The following SUPT3H variants were observed in gnomAD, a reference collection of about 807,000 sequenced individuals.
SUPT3H encodes transcription initiation protein SPT3 homolog.
A neutral mutation model predicts 44.3 loss-of-function variants in SUPT3H; 44 were observed. The ratio of observed to expected loss-of-function variants is 0.99; its 90% confidence interval spans 0.78 to 1.28. SUPT3H has a LOEUF of 1.28. SUPT3H is among the 50% of genes most tolerant of loss of function. SUPT3H has a pLI of 0.00. For synonymous variants in SUPT3H, 124 were observed against 125.6 expected (o/e 0.99, Z 0.09); for missense variants, 380 against 387.1 (o/e 0.98, Z 0.15).
intron 2 of SUPT3H, among the ~76,000 whole-genome samples, chr6:45,283,970 C>T (rs1312890334): frequency 6.6e-6 from 1 of 152,100 alleles, no homozygotes; most frequent in South Asian, 2.1e-4. Context: ...ACGGAACAAC[C>T]TGCTCCTGAA....
At chr6:44,819,116 T>C (rs1767105746) in intron 11 of SUPT3H, among the ~76,000 whole-genome samples, 1 of 152,140 alleles carries the variant, frequency 6.6e-6, no homozygotes, top group African/African-American at 2.4e-5. Context: ...AGTGCATCCA[T>C]ATGATGGAAT....
chr6:45,113,178 T>C (rs1334353464), intron 2 of SUPT3H, among the ~76,000 whole-genome samples: 1 of 152,074 alleles, frequency 6.6e-6, no homozygotes, highest in Non-Finnish European at 1.5e-5. Flanking sequence ...TACCCAAGAA[T>C]TTCTCCTAAA....
At chr6:45,323,368 C>T (rs1361205725) in intron 2 of SUPT3H, among the ~76,000 whole-genome samples, 1 of 151,756 alleles carries the variant, frequency 6.6e-6, no homozygotes, top group Non-Finnish European at 1.5e-5. Context: ...ATATTAAAAC[C>T]CGATTTTTTT....
At chr6:44,948,893 A>G (rs1402459896) in intron 9 of SUPT3H, among the ~76,000 whole-genome samples, 1 of 152,236 alleles carries the variant, frequency 6.6e-6, no homozygotes, top group Admixed American at 6.5e-5. Flanking sequence ...ATTACTGGCT[A>G]TATACCCAAA....
At chr6:45,022,413 CTGTT>C (rs1425888927) in intron 3 of SUPT3H, among the ~76,000 whole-genome samples, 1 of 40,714 alleles carries the variant, frequency 2.5e-5, no homozygotes, top group Non-Finnish European at 4.3e-5. Flanking sequence ...TTTGGAATCA[CTGTT>C]TTTTTTTTTT....
At chr6:44,846,410 A>T (rs1771879785) in intron 10 of SUPT3H, among the ~76,000 whole-genome samples, 1 of 152,208 alleles carries the variant, frequency 6.6e-6, no homozygotes, top group Non-Finnish European at 1.5e-5. Flanking sequence ...GGTAGTTCAG[A>T]CACCAGACAA....
intron 3 of SUPT3H, among the ~76,000 whole-genome samples, chr6:45,062,678 C>A (rs545920102): frequency 2.6e-5 from 4 of 152,348 alleles, no homozygotes. Flanking sequence ...AGTTCCCTTT[C>A]CGAGTCAAAG....
intron 10 of SUPT3H, among the ~76,000 whole-genome samples, chr6:44,856,144 T>G (rs1773682360): frequency 6.6e-6 from 1 of 152,224 alleles, no homozygotes; most frequent in Non-Finnish European, 1.5e-5. Flanking sequence ...GAAAACCGCT[T>G]GTACTCAGTT....
intron 3 of SUPT3H, among the ~76,000 whole-genome samples, chr6:45,102,091 A>G (rs955958877): frequency 1.3e-5 from 2 of 152,170 alleles, no homozygotes; most frequent in Admixed American, 6.5e-5. Flanking sequence ...TTGACAAAAC[A>G]TAAAGAACTG....
At chr6:45,309,767 A>C (rs1783666189) in intron 2 of SUPT3H, among the ~76,000 whole-genome samples, 1 of 152,190 alleles carries the variant, frequency 6.6e-6, no homozygotes, top group African/African-American at 2.4e-5. Context: ...AAGAAATCAC[A>C]TATAACAGAG....
At chr6:44,976,097 T>C (rs1778294760) in intron 6 of SUPT3H, among the ~76,000 whole-genome samples, 3 of 152,154 alleles carry the variant, frequency 2.0e-5, no homozygotes, top group African/African-American at 4.8e-5. Flanking sequence ...AATGAGCAAG[T>C]CCATCAATAG....
At chr6:44,994,378 TG>T (rs1408598808) in intron 6 of SUPT3H, among the ~76,000 whole-genome samples, 3 of 152,276 alleles carry the variant, frequency 2.0e-5, no homozygotes, top group Admixed American at 1.3e-4. Flanking sequence ...CCTAGAGAGT[TG>T]AACAGAGCGC....
intron 3 of SUPT3H, among the ~76,000 whole-genome samples, chr6:45,072,297 GA>G (rs1476188775): frequency 6.6e-6 from 1 of 151,508 alleles, no homozygotes; most frequent in Non-Finnish European, 1.5e-5. Context: ...GGTGGGTTAA[GA>G]AAAAAAAGAC....
intron 3 of SUPT3H, chr6:45,099,059 G>A (rs1485894556): frequency 5.3e-6 from 2 of 377,380 alleles, no homozygotes; most frequent in Admixed American, 7.4e-5. Flanking sequence ...ACTTCAACCT[G>A]CCCCAACATG....
intron 2 of SUPT3H, among the ~76,000 whole-genome samples, chr6:45,210,967 G>A (rs982057125): frequency 3.3e-5 from 5 of 152,138 alleles, no homozygotes; most frequent in African/African-American, 1.2e-4. Flanking sequence ...GCTCCCATCT[G>A]AACAAGCCTC....
At chr6:45,216,678 T>C (rs1765113945) in intron 2 of SUPT3H, among the ~76,000 whole-genome samples, 1 of 152,150 alleles carries the variant, frequency 6.6e-6, no homozygotes, top group African/African-American at 2.4e-5. Context: ...AGACAAGCTT[T>C]AAGTCAAAAT....
chr6:45,238,948 ATAAC>A (rs1466194952), intron 2 of SUPT3H, among the ~76,000 whole-genome samples: 2 of 152,234 alleles, frequency 1.3e-5, no homozygotes, highest in East Asian at 3.9e-4. Context: ...TCTCCCTAAA[ATAAC>A]TAAATTCAAA....
chr6:44,997,863 A>C (rs1407470511), intron 6 of SUPT3H, among the ~76,000 whole-genome samples: 2 of 151,836 alleles, frequency 1.3e-5, no homozygotes, highest in South Asian at 4.1e-4. Flanking sequence ...GAATTTTGTC[A>C]TATCTCTTTT....
chr6:45,137,300 A>T (rs1479503377), intron 2 of SUPT3H, among the ~76,000 whole-genome samples: 2 of 152,064 alleles, frequency 1.3e-5, no homozygotes, highest in East Asian at 3.8e-4. Flanking sequence ...GTGATAACTC[A>T]AATCAATCAA....
Sources: gnomAD v4.1 joint callset for allele counts (sites outside exome capture counted in the v4.1 genomes callset) on GRCh38, gnomAD v4.1.1 for gene constraint, MANE v1.5 for transcripts, NCBI Gene and HGNC (gene_info 2026-07-23, HGNC 2026-07-21) for gene names.